CCSER2: variants seen among roughly 807,000 people sequenced by gnomAD.
The protein encoded by CCSER2 is serine-rich coiled-coil domain-containing protein 2.
In CCSER2, 46 loss-of-function variants were observed where a neutral mutation model predicts 92.3. That is an observed-to-expected ratio of 0.50 (90% CI 0.39 to 0.64). The LOEUF (loss-of-function observed/expected upper bound fraction) is 0.64, where lower values mean the gene tolerates loss of function less well. Ranked by LOEUF, CCSER2 falls within the 30% of genes least tolerant of loss-of-function variation. The pLI is 0.00. For missense variants in CCSER2, 1,244 were observed against 1,238.9 expected, an observed-to-expected ratio of 1.00 and a Z score of -0.06; for synonymous variants, 433 against 431.4, an observed-to-expected ratio of 1.00 and a Z score of -0.04.
At chr10:84,500,589 C>T (rs1235613018) in intron 9 of CCSER2, among the ~76,000 whole-genome samples, 1 of 152,110 alleles carries the variant, frequency 6.6e-6, no homozygotes, top group Non-Finnish European at 1.5e-5. Flanking sequence ...TACTGTTTGA[C>T]CTTAAAATTT....
intron 9 of CCSER2, among the ~76,000 whole-genome samples, chr10:84,498,004 G>T (rs1848539582): frequency 6.6e-6 from 1 of 152,120 alleles, no homozygotes; most frequent in South Asian, 2.1e-4. Context: ...TTTTCTCAAG[G>T]TTACAAGGCT....
Position 84,514,538 on chromosome 10 carries a change from C to CTA in CCSER2, c.*271_*272insTA. On this transcript the variant is annotated 3_prime_UTR_variant, in exon 10 of 10. Transcript: ENST00000372088. ...AAAGGCCCAAATCATGTTATCCATC[C>CTA]CTCTCCACGTCAGAAAATTCATAAT... is the stretch of plus-strand genomic sequence containing the variant. The CTA allele has an allele frequency of 2.2e-6, 1 of 449,300 alleles. No individual in the cohort carries two copies. The allele number at this position is 449,300 out of a possible 1,614,324, so 27.8% of individuals were successfully genotyped here.
rs751382438 is a variant in CCSER2 at position 84,371,268 on chromosome 10, T to C, written c.216T>C (p.Tyr72=). ...TTAATTGGAGGAAAGCAAATAAATA[T>C]CAGCTTTGTGCACAAGGTGTCGAAG... is the stretch of plus-strand genomic sequence containing the variant. ...HSFNWRKANK[Y]QLCAQGVEEP... is the part of the protein sequence containing the mutation. The change falls in exon 2 of 10, where the codon TAT becomes TAC. Residue 72 remains tyrosine, a synonymous_variant. Transcript: ENST00000372088. 7.4e-6 allele frequency: 12 copies of C among 1,613,132 alleles called. No homozygotes were observed. The highest frequency in any genetic ancestry group is 5.0e-5 in the Admixed American group (3 of 59,860).
chr10:84,363,959 C>T (rs889468790), intron 1 of CCSER2, among the ~76,000 whole-genome samples: 10 of 152,150 alleles, frequency 6.6e-5, no homozygotes, highest in Non-Finnish European at 1.3e-4. Context: ...TGCTTATAGG[C>T]TACAAACCTG....
chr10:84,482,620 G>A (rs939520671), intron 9 of CCSER2, among the ~76,000 whole-genome samples: 1 of 152,108 alleles, frequency 6.6e-6, no homozygotes, highest in African/African-American at 2.4e-5. Flanking sequence ...TGTACCTTTT[G>A]TAGTCCATTT....
chr10:84,333,935 A>G (rs1040037244), intron 1 of CCSER2, among the ~76,000 whole-genome samples: 3 of 152,226 alleles, frequency 2.0e-5, no homozygotes, highest in Non-Finnish European at 2.9e-5. Flanking sequence ...GTGCTTGTCA[A>G]AGATAGGGAC....
At chr10:84,474,662 C>CAAAA (rs397844899) in intron 8 of CCSER2, among the ~76,000 whole-genome samples, 10 of 65,860 alleles carry the variant, frequency 1.5e-4, no homozygotes, top group Non-Finnish European at 2.0e-4. Context: ...GACTCCATCT[C>CAAAA]AAAAAAAAAA....
At position 84,445,511 on chromosome 10, in the gene CCSER2, C is replaced by T. The variant is rs187420743; in HGVS notation, c.2064+6804C>T. 5.3e-5 allele frequency among the ~76,000 whole-genome samples: 8 copies of T among 152,270 alleles called. No homozygotes were observed. In the East Asian group the frequency reaches 1.5e-3, roughly 29 times the overall value. ...AAACTTCTTAACAAAGTGTAATATA[C>T]ATACAGAAAAGGGTATAATTAATAA... On this transcript the variant is annotated intron_variant, in intron 6 of 9. Coordinates refer to ENST00000372088, the MANE Select transcript of CCSER2 (RefSeq NM_001284240.2).
intron 1 of CCSER2, among the ~76,000 whole-genome samples, chr10:84,353,804 C>G (rs1845002006): frequency 6.6e-6 from 1 of 152,080 alleles, no homozygotes; most frequent in African/African-American, 2.4e-5. Flanking sequence ...GGATCTTGTT[C>G]CAAATATTGT....
intron 3 of CCSER2, among the ~76,000 whole-genome samples, chr10:84,404,535 G>A (rs934606036): frequency 6.6e-6 from 1 of 152,160 alleles, no homozygotes; most frequent in African/African-American, 2.4e-5. Flanking sequence ...TGAAATTAGT[G>A]CTTGTTTAGG....
chr10:84,406,031 A>G (rs1036638665), intron 3 of CCSER2, among the ~76,000 whole-genome samples: 3 of 152,212 alleles, frequency 2.0e-5, no homozygotes, highest in African/African-American at 7.2e-5. Flanking sequence ...GTAGTTAAAA[A>G]CTAGAAAGAA....
chr10:84,412,574 G>C (rs1842706915), intron 3 of CCSER2, among the ~76,000 whole-genome samples: 1 of 152,138 alleles, frequency 6.6e-6, no homozygotes, highest in Non-Finnish European at 1.5e-5. Context: ...GGGGGACGAA[G>C]TCTGGTGGAA....
intron 3 of CCSER2, among the ~76,000 whole-genome samples, chr10:84,375,412 G>C (rs938040568): frequency 6.6e-6 from 1 of 152,098 alleles, no homozygotes; most frequent in Non-Finnish European, 1.5e-5. Flanking sequence ...GATGGCAAAA[G>C]TTGAGAACCA....
At chr10:84,501,209 C>T (rs1848700745) in intron 9 of CCSER2, among the ~76,000 whole-genome samples, 2 of 152,130 alleles carry the variant, frequency 1.3e-5, no homozygotes, top group Non-Finnish European at 2.9e-5. Flanking sequence ...GCTTTCTTTT[C>T]TCCTCTATTT....
intron 3 of CCSER2, among the ~76,000 whole-genome samples, chr10:84,407,489 TACTTCTCAG>T (rs72378832): frequency 0.059 from 8,966 of 152,284 alleles, 364 homozygotes; most frequent in Admixed American, 0.1. Flanking sequence ...GCTTCTTGCT[TACTTCTCAG>T]TTAACTTTCG....
At chr10:84,463,069 AT>A (rs1477685224) in intron 6 of CCSER2, among the ~76,000 whole-genome samples, 1 of 152,076 alleles carries the variant, frequency 6.6e-6, no homozygotes, top group Non-Finnish European at 1.5e-5. Context: ...TCACTGGTTC[AT>A]TTTTCTTGAG....
chr10:84,346,895 G>C (rs1376189759), intron 1 of CCSER2, among the ~76,000 whole-genome samples: 5 of 152,012 alleles, frequency 3.3e-5, no homozygotes, highest in African/African-American at 9.7e-5. Flanking sequence ...AGTGAACAAA[G>C]GTCTCTGGTT....
chr10:84,499,934 G>A (rs746530610), intron 9 of CCSER2: 2 of 1,613,874 alleles, frequency 1.2e-6, no homozygotes, highest in Admixed American at 1.7e-5. Context: ...GGATCCCACG[G>A]ACTGTTCCAC....
In CCSER2 at chr10:84,514,558, C is replaced by G; in HGVS notation, c.*291C>G. ...CCATCCCTCTCCACGTCAGAAAATT[C>G]ATAATATTTTACTGAGCAGGCAAGA... is the stretch of plus-strand genomic sequence containing the variant. On this transcript the variant is annotated 3_prime_UTR_variant, in exon 10 of 10. Transcript: ENST00000372088. The G allele has an allele frequency of 2.7e-6, 1 of 377,106 alleles. No homozygotes were observed. The allele number at this position is 377,106 out of a possible 1,614,324, so 23.4% of individuals were successfully genotyped here. A position where few individuals can be genotyped will look rare whatever the true frequency, so the allele number is the denominator to read the frequency against.
Sources: allele counts gnomAD v4.1 joint callset (sites outside exome capture counted in the v4.1 genomes callset), GRCh38; gene constraint gnomAD v4.1.1; transcripts MANE v1.5; gene names NCBI Gene and HGNC (gene_info 2026-07-23, HGNC 2026-07-21).